The following ASB6 variants were observed in gnomAD, a reference collection of about 807,000 sequenced individuals.
ASB6 encodes the protein ankyrin repeat and SOCS box containing 6.
In ASB6, 24 loss-of-function variants were observed where a neutral mutation model predicts 28.6. The ratio of observed to expected loss-of-function variants is 0.84; its 90% confidence interval spans 0.61 to 1.18. The LOEUF is 1.18. Ranked by LOEUF, ASB6 falls within the 50% of genes most tolerant of loss-of-function variation. The probability of loss-of-function intolerance (pLI) is 0.00; values close to 1 mark genes in which losing one functional copy is unlikely to be tolerated. For missense variants in ASB6, 519 were observed against 559.8 expected (o/e 0.93, Z 0.74); for synonymous variants, 267 against 243.4 (o/e 1.10, Z -0.90).
At chr9:129,639,808 C>G (rs1031952566) in intron 2 of ASB6, among the ~76,000 whole-genome samples, 2 of 152,262 alleles carry the variant, frequency 1.3e-5, no homozygotes, top group Non-Finnish European at 2.9e-5. Flanking sequence ...CACAGCAGCT[C>G]TGGCGGCTCT....
rs1225876144 is a variant in ASB6, at chr9:129,642,118, C to A, written c.-119G>T. On this transcript the variant is annotated 5_prime_UTR_variant, in exon 1 of 6. Transcript: ENST00000277458. This position sits in a 1 kb window ranked among gnomAD's most constrained non-coding sequence, Gnocchi z 4.3. ...ACCTGCTCCGCCAGTCCAGCCCCTG[C>A]GCCCGGCCGGGTCCGCTCCTCAGTC... The A allele has an allele frequency of 2.2e-6, 3 of 1,343,350 alleles. No individual in the cohort carries two copies. Among genetic ancestry groups the A allele is most frequent in the South Asian group, 1.8e-5 (1 of 56,784 alleles). 83.2% of individuals were successfully genotyped at this position (1,343,350 alleles called of 1,614,324 possible). A position where few individuals can be genotyped will look rare whatever the true frequency, so the allele number is the denominator to read the frequency against.
chr9:129,635,123 C>A lies in ASB6; in HGVS notation c.*2667G>T. 6.7e-7 allele frequency: 1 copy of A among 1,495,146 alleles called. No homozygotes were observed. The highest frequency in any genetic ancestry group is 9.0e-7 in the Non-Finnish European group (1 of 1,108,612). 92.6% of individuals were successfully genotyped at this position (1,495,146 alleles called of 1,614,324 possible). On this transcript the variant is annotated 3_prime_UTR_variant, in exon 6 of 6. Coordinates refer to ENST00000277458, the MANE Select transcript of ASB6 (RefSeq NM_017873.4). ...CAAAATGCTGGGCACAAATGAGGGG[C>A]TCAGCGGGGCTGAGAAGTACATCCC...
At position 129,640,736 on chromosome 9, in the gene ASB6, G is replaced by A. The variant is rs1222530224; in HGVS notation, c.114-14C>T. The stretch of plus-strand genomic sequence containing the variant: ...ACATAACTGGGCCTGGGACAGGAGA[G>A]AGGCTGAGGGTAGGCACAGCTGTGG... On this transcript the variant is annotated splice_polypyrimidine_tract_variant and intron_variant, in intron 1 of 5. Coordinates refer to ENST00000277458, the MANE Select transcript of ASB6 (RefSeq NM_017873.4). 14 of 1,613,734 alleles carry A rather than the reference G, an allele frequency of 8.7e-6. No individual in the cohort carries two copies. The highest frequency in any genetic ancestry group is 1.1e-5 in the Non-Finnish European group (13 of 1,179,914).
Position 129,639,402 on chromosome 9 carries a change from C to T in ASB6, c.402G>A (p.Arg134=). The T allele has an allele frequency of 6.2e-7, 1 of 1,609,566 alleles. No homozygotes were observed. The highest frequency in any genetic ancestry group is 8.5e-7 in the Non-Finnish European group (1 of 1,176,678). The change falls in exon 3 of 6, where the codon CGG becomes CGA. Residue 134 remains arginine, a splice_region_variant and synonymous_variant. Coordinates refer to ENST00000277458, the MANE Select transcript of ASB6 (RefSeq NM_017873.4). Reference sequence around the variant, plus strand: ...AAAGCAAGCTGGACCTGGCACTTACCCGGTCCCTCCGATTAACGTCGGCCC... The same window carrying T: ...AAAGCAAGCTGGACCTGGCACTTACTCGGTCCCTCCGATTAACGTCGGCCC... ...HHGADVNRRD[R]IHESSPLDLA...
rs1314314848 is a variant in ASB6, at chr9:129,636,197, A to G, written c.*1593T>C. The G allele has an allele frequency of 1.3e-5, 2 of 151,482 alleles. No individual in the cohort carries two copies. The highest frequency in any genetic ancestry group is 4.9e-5 in the African/African-American group (2 of 41,196). 9.4% of individuals were successfully genotyped at this position (151,482 alleles called of 1,614,324 possible). ...CAGGAGATTGAGACCATCCTGGCTA[A>G]CAGGTGAAACCCCGTCTCTACTTAA... On this transcript the variant is annotated 3_prime_UTR_variant, in exon 6 of 6. Coordinates refer to ENST00000277458, the MANE Select transcript of ASB6 (RefSeq NM_017873.4).
At position 129,637,652 on chromosome 9, in the gene ASB6, C is replaced by G. The variant is rs1212713571; in HGVS notation, c.*138G>C. 1 of 880,368 alleles carries G rather than the reference C, an allele frequency of 1.1e-6. No individual in the cohort carries two copies. Among genetic ancestry groups the G allele is most frequent in the Non-Finnish European group, 1.6e-6 (1 of 617,692 alleles). The allele number at this position is 880,368 out of a possible 1,614,324, so 54.5% of individuals were successfully genotyped here. A position where few individuals can be genotyped will look rare whatever the true frequency, so the allele number is the denominator to read the frequency against. On this transcript the variant is annotated 3_prime_UTR_variant, in exon 6 of 6. Coordinates refer to ENST00000277458, the MANE Select transcript of ASB6 (RefSeq NM_017873.4). The stretch of plus-strand genomic sequence containing the variant: ...ACTGGAGTGATCACAGCTTCAGGCT[C>G]TACCTGGCTGGCTTTTCTCATGAAG...
At chr9:129,640,058 G>A (rs1831657628) in intron 2 of ASB6, among the ~76,000 whole-genome samples, 1 of 152,212 alleles carries the variant, frequency 6.6e-6, no homozygotes, top group Non-Finnish European at 1.5e-5. Flanking sequence ...CACAGAGAAA[G>A]GAGCTCGGCT....
At position 129,639,511 on chromosome 9, in the gene ASB6, G is replaced by A; in HGVS notation, c.296-3C>T. 2 of 1,610,980 alleles carry A rather than the reference G, an allele frequency of 1.2e-6. No homozygotes were observed. The highest frequency in any genetic ancestry group is 8.5e-7 in the Non-Finnish European group (1 of 1,177,894). On this transcript the variant is annotated splice_polypyrimidine_tract_variant and splice_region_variant and intron_variant, in intron 2 of 5. Coordinates refer to ENST00000277458, the MANE Select transcript of ASB6 (RefSeq NM_017873.4). ...GGCCGTGTAGTAGGTGACTGGGTCT[G>A]AAGGTGCAGACACAGCTCATGTGGG... is the stretch of plus-strand genomic sequence containing the variant.
At position 129,637,562 on chromosome 9, in the gene ASB6, A is replaced by C. The variant is rs545122687; in HGVS notation, c.*228T>G. 59 of 398,302 alleles carry C rather than the reference A, an allele frequency of 1.5e-4. 1 individual carries two copies. The South Asian group carries it at 4.7e-3, about 31-fold the overall frequency. The allele number at this position is 398,302 out of a possible 1,614,324, so 24.7% of individuals were successfully genotyped here. ...TGTTCCTCTTTCCAACATGGGGGGGACTTGGAGTGCCGCTGGAGGGAAGGG... is the reference window on the plus strand; with the variant it reads ...TGTTCCTCTTTCCAACATGGGGGGGCCTTGGAGTGCCGCTGGAGGGAAGGG... On this transcript the variant is annotated 3_prime_UTR_variant, in exon 6 of 6. Coordinates refer to ENST00000277458, the MANE Select transcript of ASB6 (RefSeq NM_017873.4).
At chr9:129,638,726 A>T (rs753418834) in intron 4 of ASB6, 67 bp from the exon 5 acceptor site, 149 of 1,304,952 alleles carry the variant, frequency 1.1e-4, no homozygotes, top group Non-Finnish European at 8.4e-5. Flanking sequence ...AACCCAGAGG[A>T]GGTGGCAGAA....
chr9:129,642,087 G>C lies in ASB6; in HGVS notation c.-88C>G. 7.0e-7 allele frequency: 1 copy of C among 1,427,460 alleles called. No individual in the cohort carries two copies. The highest frequency in any genetic ancestry group is 9.2e-7 in the Non-Finnish European group (1 of 1,088,668). 88.4% of individuals were successfully genotyped at this position (1,427,460 alleles called of 1,614,324 possible). On this transcript the variant is annotated 5_prime_UTR_variant, in exon 1 of 6. Coordinates refer to ENST00000277458, the MANE Select transcript of ASB6 (RefSeq NM_017873.4). This position sits in a 1 kb window ranked among gnomAD's most constrained non-coding sequence, Gnocchi z 4.3. ...CGACCGGAACGCTCCGGCGGCCGCGGACCCCACCTGCTCCGCCAGTCCAGC... is the reference window on the plus strand; with the variant it reads ...CGACCGGAACGCTCCGGCGGCCGCGCACCCCACCTGCTCCGCCAGTCCAGC...
Position 129,635,170 on chromosome 9 carries a change from G to C in ASB6, c.*2620C>G. ...TCCCATCCAGTGCCGACATCCGCTT[G>C]CATGGTGCCCTGGTAACCTTGCCTC... On this transcript the variant is annotated 3_prime_UTR_variant, in exon 6 of 6. Transcript: ENST00000277458. 1 of 1,586,880 alleles carries C rather than the reference G, an allele frequency of 6.3e-7. No individual in the cohort carries two copies. Among genetic ancestry groups the C allele is most frequent in the Non-Finnish European group, 8.5e-7 (1 of 1,170,198 alleles).
chr9:129,639,474 G>A lies in ASB6; in HGVS notation c.330C>T (p.Ala110=), dbSNP rs144137235. The A allele has an allele frequency of 9.5e-5, 153 of 1,613,828 alleles. No homozygotes were observed. Among genetic ancestry groups the A allele is most frequent in the East Asian group, 8.2e-4 (37 of 44,872 alleles). The change falls in exon 3 of 6, where the codon GCC becomes GCT. Residue 110 remains alanine, a synonymous_variant. Coordinates refer to ENST00000277458, the MANE Select transcript of ASB6 (RefSeq NM_017873.4). ...CCATGTCCGGCTGGTTCCGCAGGAC[G>A]GCGATGTGCAAGGCCGTGTAGTAGG... The part of the protein sequence containing the change: ...PVTYYTALHI[A]VLRNQPDMVE...
At chr9:129,638,922 A>T (rs777630143) in intron 4 of ASB6, among the ~76,000 whole-genome samples, 2 of 152,248 alleles carry the variant, frequency 1.3e-5, no homozygotes, top group Non-Finnish European at 2.9e-5. Flanking sequence ...GGCCTCTCCC[A>T]ATGGGAAGCC....
In ASB6 at chr9:129,641,995, G is replaced by A. The variant is rs755738510; in HGVS notation, c.5C>T (p.Pro2Leu). ...GATCCTCCGGAAGCCGTGCAGGAAC[G>A]GCATCGCCGCGGGCCCCGCGCAGCA... The part of the protein sequence containing the change: M[P>L]FLHGFRRIIF... Residue 2 changes from proline (P) to leucine (L), a missense_variant, in exon 1 of 6, where the codon CCG becomes CTG. Coordinates refer to ENST00000277458, the MANE Select transcript of ASB6 (RefSeq NM_017873.4). 1 of 1,593,464 alleles carries A rather than the reference G, an allele frequency of 6.3e-7. No homozygotes were observed. Among genetic ancestry groups the A allele is most frequent in the Non-Finnish European group, 8.5e-7 (1 of 1,171,162 alleles).
chr9:129,635,616 T>A lies in ASB6; in HGVS notation c.*2174A>T. The A allele has an allele frequency of 1.0e-6, 1 of 997,406 alleles. No homozygotes were observed. Among genetic ancestry groups the A allele is most frequent in the South Asian group, 1.6e-5 (1 of 62,618 alleles). 61.8% of individuals were successfully genotyped at this position (997,406 alleles called of 1,614,324 possible). On this transcript the variant is annotated 3_prime_UTR_variant, in exon 6 of 6. Coordinates refer to ENST00000277458, the MANE Select transcript of ASB6 (RefSeq NM_017873.4). ...GTCCACTCATTATGCGGGCTCTTCT[T>A]CAAAAGGCAAGGTGGGACCCGGCGG...
In ASB6 at chr9:129,637,919, G is replaced by A. The variant is rs750796506; in HGVS notation, c.1137C>T (p.Cys379=). Residue 379 remains cysteine (C), a synonymous_variant, in exon 6 of 6, where the codon TGC becomes TGT. Coordinates refer to ENST00000277458, the MANE Select transcript of ASB6 (RefSeq NM_017873.4). Reference sequence around the variant, plus strand: ...GAAGGTAGAGCCGGATGGCCACACGGCACAGGTGCTTGAGGGGCGGGGGAT... The same window carrying A: ...GAAGGTAGAGCCGGATGGCCACACGACACAGGTGCTTGAGGGGCGGGGGAT... ...ESYPPPLKHL[C]RVAIRLYLQP... 1.4e-5 allele frequency: 23 copies of A among 1,590,284 alleles called. No individual in the cohort carries two copies. The South Asian group carries it at 2.1e-4, about 14-fold the overall frequency.
chr9:129,634,854 T>C lies in ASB6; in HGVS notation c.*2936A>G, dbSNP rs942271371. 4.2e-5 allele frequency: 12 copies of C among 284,840 alleles called. No individual in the cohort carries two copies. The East Asian group carries it at 9.8e-4, about 23-fold the overall frequency. 17.6% of individuals were successfully genotyped at this position (284,840 alleles called of 1,614,324 possible). On this transcript the variant is annotated 3_prime_UTR_variant, in exon 6 of 6. Coordinates refer to ENST00000277458, the MANE Select transcript of ASB6 (RefSeq NM_017873.4). ...GGGACTTCTAGTGTAGGGAAGGCAG[T>C]CTCTCTGGGAGCTCCTGCAATGCCA...
chr9:129,641,983 C>T lies in ASB6; in HGVS notation c.17G>A (p.Gly6Asp). ...GTACTCGAAGATGATCCTCCGGAAG[C>T]CGTGCAGGAACGGCATCGCCGCGGG... Reference protein sequence around the residue: MPFLHGFRRIIFEYQP... With the variant: MPFLHDFRRIIFEYQP... The change falls in exon 1 of 6, where the codon GGC (glycine) becomes GAC (aspartate). Residue 6 changes from glycine (G) to aspartate (D), a missense_variant. Transcript: ENST00000277458. 1.2e-6 allele frequency: 2 copies of T among 1,600,922 alleles called. No homozygotes were observed. Among genetic ancestry groups the T allele is most frequent in the Non-Finnish European group, 1.7e-6 (2 of 1,175,002 alleles).
Sources: allele counts gnomAD v4.1 joint callset (sites outside exome capture counted in the v4.1 genomes callset), GRCh38; gene constraint gnomAD v4.1.1; non-coding constraint Gnocchi (gnomAD v3.1); transcripts MANE v1.5; gene names NCBI Gene and HGNC (gene_info 2026-07-23, HGNC 2026-07-21).